The following OSBPL8 variants were observed in gnomAD, a reference collection of about 807,000 sequenced individuals.
OSBPL8 encodes the protein oxysterol binding protein like 8, also known as oxysterol-binding protein-related protein 8.
A neutral mutation model predicts 125.5 loss-of-function variants in OSBPL8; 59 were observed. The observed-to-expected ratio is 0.47, with a 90% confidence interval of 0.38 to 0.58. The LOEUF (loss-of-function observed/expected upper bound fraction) is 0.58. Ranked by LOEUF, OSBPL8 falls within the 20% of genes least tolerant of loss-of-function variation. The probability of loss-of-function intolerance (pLI) is 0.00; values close to 1 mark genes in which losing one functional copy is unlikely to be tolerated. For synonymous variants in OSBPL8, 330 were observed against 338.9 expected (o/e 0.97, Z 0.29); for missense variants, 758 against 1,047.8 (o/e 0.72, Z 3.82).
chr12:76,477,355 C>A (rs900471670), intron 2 of OSBPL8, among the ~76,000 whole-genome samples: 29 of 151,898 alleles, frequency 1.9e-4, no homozygotes, highest in Non-Finnish European at 2.9e-5. Context: ...CAGTCAACAG[C>A]AAAAATAAGT....
intron 2 of OSBPL8, among the ~76,000 whole-genome samples, chr12:76,482,238 A>G (rs1397905148): frequency 6.6e-6 from 1 of 152,230 alleles, no homozygotes; most frequent in Non-Finnish European, 1.5e-5. Flanking sequence ...TTTTAATACA[A>G]TAAAAGATTT....
chr12:76,432,078 C>T (rs1004121263), intron 4 of OSBPL8, among the ~76,000 whole-genome samples: 1 of 152,126 alleles, frequency 6.6e-6, no homozygotes. Context: ...AAAGTATCAA[C>T]TACTTACTGT....
chr12:76,446,517 T>C (rs1418170986), intron 4 of OSBPL8, among the ~76,000 whole-genome samples: 1 of 152,148 alleles, frequency 6.6e-6, no homozygotes, highest in Non-Finnish European at 1.5e-5. Context: ...CAAATAAAGA[T>C]ATGACTAACA....
At chr12:76,502,198 A>G (rs1879972522) in intron 1 of OSBPL8, among the ~76,000 whole-genome samples, 1 of 149,228 alleles carries the variant, frequency 6.7e-6, no homozygotes, top group South Asian at 2.2e-4. Flanking sequence ...ATTTTCTCCT[A>G]TAGCCAAGGT....
At chr12:76,540,883 A>C (rs560520092) in intron 1 of OSBPL8, among the ~76,000 whole-genome samples, 2 of 152,310 alleles carry the variant, frequency 1.3e-5, no homozygotes, top group African/African-American at 4.8e-5. Flanking sequence ...TATTAGAATT[A>C]TTCTAACAAG....
intron 1 of OSBPL8, among the ~76,000 whole-genome samples, chr12:76,532,198 TA>T (rs1426985248): frequency 6.6e-6 from 1 of 152,028 alleles, no homozygotes; most frequent in Non-Finnish European, 1.5e-5. Flanking sequence ...TCAGCTGAAA[TA>T]ACATTCTAAT....
intron 2 of OSBPL8, among the ~76,000 whole-genome samples, chr12:76,471,893 C>T (rs1046531743): frequency 6.6e-6 from 1 of 152,210 alleles, no homozygotes; most frequent in East Asian, 1.9e-4. Flanking sequence ...CAGGCAAATA[C>T]CTAAGTTCCT....
intron 1 of OSBPL8, among the ~76,000 whole-genome samples, chr12:76,527,673 TC>T (rs1950217318): frequency 6.6e-6 from 1 of 152,184 alleles, no homozygotes; most frequent in Non-Finnish European, 1.5e-5. Context: ...TTTCTAGTTA[TC>T]GAATTATCTT....
At chr12:76,547,555 GAT>G (rs1460395747) in intron 1 of OSBPL8, among the ~76,000 whole-genome samples, 3 of 152,078 alleles carry the variant, frequency 2.0e-5, no homozygotes, top group African/African-American at 7.2e-5. Context: ...AAGTACCAAA[GAT>G]AACACAGAAG....
At chr12:76,469,809 T>C (rs112511055) in intron 2 of OSBPL8, among the ~76,000 whole-genome samples, 2,510 of 152,298 alleles carry the variant, frequency 0.016, 27 homozygotes, top group Non-Finnish European at 0.028. Context: ...GTGGGAATTT[T>C]GTCTATTTTG....
chr12:76,425,538 T>C (rs948424973), intron 4 of OSBPL8, among the ~76,000 whole-genome samples: 2 of 152,180 alleles, frequency 1.3e-5, no homozygotes, highest in Admixed American at 1.3e-4. Context: ...GGACATCCAA[T>C]ATAAAAGAGG....
intron 4 of OSBPL8, among the ~76,000 whole-genome samples, chr12:76,432,542 C>T (rs567443298): frequency 1.3e-5 from 2 of 152,250 alleles, no homozygotes; most frequent in East Asian, 3.9e-4. Context: ...GATCATGCCA[C>T]TGCATTCCAG....
chr12:76,547,304 G>C (rs1359529497), intron 1 of OSBPL8, among the ~76,000 whole-genome samples: 1 of 152,066 alleles, frequency 6.6e-6, no homozygotes, highest in African/African-American at 2.4e-5. Context: ...TATTTACCCA[G>C]GTTAATTTAC....
chr12:76,538,848 T>A (rs1950565470), intron 1 of OSBPL8, among the ~76,000 whole-genome samples: 1 of 151,410 alleles, frequency 6.6e-6, no homozygotes, highest in South Asian at 2.1e-4. Flanking sequence ...CTCGGGAGGC[T>A]GAGGCAGGAG....
intron 1 of OSBPL8, among the ~76,000 whole-genome samples, chr12:76,500,773 T>C (rs1308096308): frequency 2.0e-5 from 3 of 152,188 alleles, no homozygotes; most frequent in Non-Finnish European, 4.4e-5. Context: ...AAAGAATTTC[T>C]TAAAAGTATA....
chr12:76,388,972 T>C (rs1450804987), intron 12 of OSBPL8, among the ~76,000 whole-genome samples: 1 of 152,166 alleles, frequency 6.6e-6, no homozygotes, highest in Non-Finnish European at 1.5e-5. Flanking sequence ...GCACAGTGCC[T>C]TGAAACACCA....
chr12:76,361,812 T>C (rs1040600814), intron 21 of OSBPL8, among the ~76,000 whole-genome samples: 2 of 152,170 alleles, frequency 1.3e-5, no homozygotes, highest in African/African-American at 4.8e-5. Context: ...ACCCCCTTGA[T>C]TCAAATTATC....
intron 15 of OSBPL8, among the ~76,000 whole-genome samples, chr12:76,381,595 T>G (rs1470189325): frequency 6.6e-6 from 1 of 152,200 alleles, no homozygotes; most frequent in African/African-American, 2.4e-5. Context: ...AACCTTTTTA[T>G]TTCATTATGA....
At chr12:76,544,221 A>C (rs993275528) in intron 1 of OSBPL8, among the ~76,000 whole-genome samples, 1 of 152,180 alleles carries the variant, frequency 6.6e-6, no homozygotes, top group Non-Finnish European at 1.5e-5. Flanking sequence ...ACAAAAGAAG[A>C]AACAGTTTCA....
Sources: allele counts gnomAD v4.1 joint callset (sites outside exome capture counted in the v4.1 genomes callset), GRCh38; gene constraint gnomAD v4.1.1; transcripts MANE v1.5; gene names NCBI Gene and HGNC (gene_info 2026-07-23, HGNC 2026-07-21).